ZNF354A: variants seen among roughly 807,000 people sequenced by gnomAD.
The protein encoded by ZNF354A is epididymis luminal protein 104.
ZNF354A carries 25 observed loss-of-function variants against 53.3 expected under a neutral mutation model. The ratio of observed to expected loss-of-function variants is 0.47; its 90% CI spans 0.34 to 0.66. The LOEUF is 0.66. Among genes scored for constraint, ZNF354A ranks in the 30% least tolerant of loss-of-function variants. ZNF354A has a pLI of 0.01. For synonymous variants in ZNF354A, 228 were observed against 249.0 expected (o/e 0.92, Z 0.79); for missense variants, 586 against 716.8 (o/e 0.82, Z 2.08).
chr5:178,725,455 T>C lies in ZNF354A; in HGVS notation c.177A>G (p.Lys59=), dbSNP rs1196180415. Residue 59 remains lysine (K), a synonymous_variant, in exon 4 of 5, where the codon AAA becomes AAG. Coordinates refer to ENST00000335815, the MANE Select transcript of ZNF354A (RefSeq NM_005649.3). ...GCTGCAACAGGGAGATCACTTTTGGTTTGGTAAATGGGAGCCCTGCACATA... is the reference window on the plus strand; with the variant it reads ...GCTGCAACAGGGAGATCACTTTTGGCTTGGTAAATGGGAGCCCTGCACATA... The part of the protein sequence containing the change: ...NLVSLGLPFT[K]PKVISLLQQG... The C allele has an allele frequency of 1.2e-6, 2 of 1,614,018 alleles. No individual in the cohort carries two copies. The highest frequency in any genetic ancestry group is 8.5e-7 in the Non-Finnish European group (1 of 1,180,010).
At chr5:178,726,537 T>C (rs1406511619) in intron 3 of ZNF354A, among the ~76,000 whole-genome samples, 2 of 151,944 alleles carry the variant, frequency 1.3e-5, no homozygotes, top group South Asian at 2.1e-4. Flanking sequence ...CTTGACCTCA[T>C]GATCTGCCCG....
chr5:178,724,708 T>G (rs1765872602), intron 4 of ZNF354A, among the ~76,000 whole-genome samples: 1 of 152,246 alleles, frequency 6.6e-6, no homozygotes, highest in Non-Finnish European at 1.5e-5. Context: ...AGCTAAGGTG[T>G]GTCCTCCTAA....
chr5:178,727,245 C>T (rs1206776841), intron 2 of ZNF354A, 120 bp from the exon 3 acceptor site: 10 of 1,189,220 alleles, frequency 8.4e-6, no homozygotes, highest in Non-Finnish European at 1.0e-5. Context: ...TCTGAAGGTT[C>T]CAGATCATTC....
chr5:178,726,949 T>A (rs751202254), intron 3 of ZNF354A, 50 bp downstream of exon 3: 2 of 1,571,860 alleles, frequency 1.3e-6, no homozygotes, highest in South Asian at 2.4e-5. Context: ...AAGGAGGTGC[T>A]GAGATATCCC....
At position 178,724,990 on chromosome 5, in the gene ZNF354A, G is replaced by A. The variant is rs147872968; in HGVS notation, c.256+386C>T. On this transcript the variant is annotated intron_variant, in intron 4 of 4. Transcript: ENST00000335815. ...ATTATTTCCAGTGCTCCATGGGACA[G>A]TTTCCACCTCTTAGAACCGTGCCCA... Among the ~76,000 whole-genome samples the A allele has an allele frequency of 2.7e-3, 413 of 152,302 alleles. 3 individuals are homozygous for A. In the East Asian group the frequency reaches 0.036, roughly 13 times the overall value.
chr5:178,719,934 G>A lies in ZNF354A; in HGVS notation c.256+5442C>T, dbSNP rs188912768. Among the ~76,000 whole-genome samples, 398 of 131,246 alleles carry A rather than the reference G, an allele frequency of 3.0e-3. 1 individual carries two copies. Among genetic ancestry groups the A allele is most frequent in the African/African-American group, 9.8e-3 (373 of 38,052 alleles). 86.1% of individuals were successfully genotyped at this position (131,246 alleles called of 152,430 possible). ...CGCACTCCAGCCTGGGCGACAGAGC[G>A]AGACTCCGTCTCAAAAAAAAAAAAA... On this transcript the variant is annotated intron_variant, in intron 4 of 4. Coordinates refer to ENST00000335815, the MANE Select transcript of ZNF354A (RefSeq NM_005649.3).
At chr5:178,720,827 A>C (rs1765799296) in intron 4 of ZNF354A, among the ~76,000 whole-genome samples, 1 of 151,054 alleles carries the variant, frequency 6.6e-6, no homozygotes. Flanking sequence ...CATCAAAATT[A>C]ACACCACTGC....
rs4998532 is a variant in ZNF354A, at chr5:178,729,873, T to C, written c.-52+683A>G. 6.3e-3 allele frequency among the ~76,000 whole-genome samples: 555 copies of C among 87,824 alleles called. 8 individuals carry two copies. The highest frequency in any genetic ancestry group is 0.013 in the African/African-American group (426 of 32,754). The allele number at this position is 87,824 out of a possible 152,430, so 57.6% of individuals were successfully genotyped here. Reference sequence around the variant, plus strand: ...CATGTATCCCATTTCTAACACGATGTTTCTTTTTTGAGACGGAGTCTCGCT... The same window carrying C: ...CATGTATCCCATTTCTAACACGATGCTTCTTTTTTGAGACGGAGTCTCGCT... On this transcript the variant is annotated intron_variant, in intron 1 of 4. Coordinates refer to ENST00000335815, the MANE Select transcript of ZNF354A (RefSeq NM_005649.3).
At chr5:178,728,426 G>T (rs983718176) in intron 2 of ZNF354A, among the ~76,000 whole-genome samples, 1 of 152,026 alleles carries the variant, frequency 6.6e-6, no homozygotes, top group Non-Finnish European at 1.5e-5. Flanking sequence ...AATAAAAAAA[G>T]GTTAAAATGG....
intron 4 of ZNF354A, among the ~76,000 whole-genome samples, chr5:178,719,693 A>G (rs1184253285): frequency 1.3e-5 from 2 of 152,114 alleles, no homozygotes; most frequent in East Asian, 1.9e-4. Flanking sequence ...CACGCCTGTA[A>G]TCCCAGCACT....
chr5:178,715,919 T>C (rs960071040), intron 4 of ZNF354A, among the ~76,000 whole-genome samples: 19 of 149,382 alleles, frequency 1.3e-4, no homozygotes, highest in African/African-American at 4.7e-4. Context: ...TTTTTTGAGA[T>C]GGAGTCTCAC....
In ZNF354A at chr5:178,711,545, T is replaced by A. The variant is rs896245250; in HGVS notation, c.*515A>T. The A allele has an allele frequency of 6.5e-6, 1 of 152,700 alleles. No individual in the cohort carries two copies. The highest frequency in any genetic ancestry group is 1.5e-5 in the Non-Finnish European group (1 of 68,114). The allele number at this position is 152,700 out of a possible 1,614,324, so 9.5% of individuals were successfully genotyped here. ...TTTCTTTTTTAATGAAATCCATGCA[T>A]AAGTTTGACATCAGGGTAGGAAAAG... On this transcript the variant is annotated 3_prime_UTR_variant, in exon 5 of 5. Coordinates refer to ENST00000335815, the MANE Select transcript of ZNF354A (RefSeq NM_005649.3).
intron 2 of ZNF354A, among the ~76,000 whole-genome samples, chr5:178,728,165 C>T (rs73330616): frequency 0.021 from 3,214 of 152,208 alleles, 111 homozygotes; most frequent in African/African-American, 0.073. Flanking sequence ...TTTGTATCCT[C>T]TCTGTGACTT....
In ZNF354A at chr5:178,714,763, CATAT is replaced by C. The variant is rs1290536376; in HGVS notation, c.257-1146_257-1143del. On this transcript the variant is annotated intron_variant, in intron 4 of 4. Transcript: ENST00000335815. Reference sequence around the variant, plus strand: ...TATACATACATACACATACATACTTCATATATATACAAATATGCACATGTGTTAT... The same window carrying C: ...TATACATACATACACATACATACTTCATATACAAATATGCACATGTGTTAT... Among the ~76,000 whole-genome samples, 4 of 152,330 alleles carry C rather than the reference CATAT, an allele frequency of 2.6e-5. No homozygotes were observed. The East Asian group carries it at 7.7e-4, about 29-fold the overall frequency.
Position 178,715,583 on chromosome 5 carries a change from G to A in ZNF354A, c.257-1962C>T, listed in dbSNP as rs558386946. On this transcript the variant is annotated intron_variant, in intron 4 of 4. Transcript: ENST00000335815. ...ATACATTATTTAGGCCAAATATATG[G>A]AGGGGGCAGTGGCAAAAATGAAGTG... is the stretch of plus-strand genomic sequence containing the variant. Among the ~76,000 whole-genome samples, 600 of 152,224 alleles carry A rather than the reference G, an allele frequency of 3.9e-3. 8 individuals are homozygous for A. The highest frequency in any genetic ancestry group is 0.014 in the African/African-American group (584 of 41,514).
In ZNF354A at chr5:178,712,906, G is replaced by T. The variant is rs144233565; in HGVS notation, c.972C>A (p.Asn324Lys). ...FIHQKIHAEE[N>K]PCKYNPGRKA... ...TCCTACCCGGATTATACTTACAAGG[G>T]TTTTCTTCAGCATGAATTTTTTGAT... Residue 324 changes from asparagine (N) to lysine (K), a missense_variant, in exon 5 of 5, where the codon AAC becomes AAA. Coordinates refer to ENST00000335815, the MANE Select transcript of ZNF354A (RefSeq NM_005649.3). 237 of 1,614,080 alleles carry T rather than the reference G, an allele frequency of 1.5e-4. 1 individual carries two copies. In the African/African-American group the frequency reaches 2.5e-3, roughly 17 times the overall value.
Position 178,713,195 on chromosome 5 carries a change from G to C in ZNF354A, c.683C>G (p.Ser228Cys). The C allele has an allele frequency of 6.2e-7, 1 of 1,614,124 alleles. No individual in the cohort carries two copies. The highest frequency in any genetic ancestry group is 8.5e-7 in the Non-Finnish European group (1 of 1,180,006). ...ATGGTTTTTCTCATGTTTACGAAGG[G>C]ATGAAGTGTTAATGAAGGTTTTTTC... ...LCEKTFINTSSLRKHEKNHSG... is the reference protein window; with the variant it reads ...LCEKTFINTSCLRKHEKNHSG... Residue 228 changes from serine to cysteine, a missense_variant, in exon 5 of 5, where the codon TCC (serine) becomes TGC (cysteine). Coordinates refer to ENST00000335815, the MANE Select transcript of ZNF354A (RefSeq NM_005649.3).
At chr5:178,724,706 T>C (rs1389116804) in intron 4 of ZNF354A, among the ~76,000 whole-genome samples, 1 of 152,198 alleles carries the variant, frequency 6.6e-6, no homozygotes, top group Non-Finnish European at 1.5e-5. Flanking sequence ...TCAGCTAAGG[T>C]GTGTCCTCCT....
rs17854422 is a variant in ZNF354A, at chr5:178,713,110, A to G, written c.768T>C (p.Ala256=). Residue 256 remains alanine (A), a synonymous_variant, in exon 5 of 5, where the codon GCT becomes GCC. Transcript: ENST00000335815. The stretch of plus-strand genomic sequence containing the variant: ...TATGCGTTATTTGATGTTGAATAAG[A>G]GCTGAACTTTGGCTAAAGGCTTTTG... ...ECSKAFSQSS[A]LIQHQITHTG... 8 of 1,613,854 alleles carry G rather than the reference A, an allele frequency of 5.0e-6. No individual in the cohort carries two copies. The highest frequency in any genetic ancestry group is 1.3e-5 in the African/African-American group (1 of 74,936).
Sources: allele counts gnomAD v4.1 joint callset (sites outside exome capture counted in the v4.1 genomes callset), GRCh38; gene constraint gnomAD v4.1.1; transcripts MANE v1.5; gene names NCBI Gene and HGNC (gene_info 2026-07-23, HGNC 2026-07-21).